Variants in SGCZ observed in about 807,000 individuals in gnomAD.
SGCZ encodes zeta-sarcoglycan.
SGCZ carries 40 observed loss-of-function variants against 41.3 expected under a neutral mutation model. The observed-to-expected ratio is 0.97, with a 90% CI of 0.75 to 1.26. The LOEUF (loss-of-function observed/expected upper bound fraction) is 1.26. Among genes scored for constraint, SGCZ ranks in the 50% most tolerant of loss-of-function variants. The pLI is 0.00. For synonymous variants in SGCZ, 206 were observed against 137.5 expected (o/e 1.50, Z -3.49); for missense variants, 552 against 369.8 (o/e 1.49, Z -4.04).
At chr8:15,156,807 G>C (rs1181904998) in intron 1 of SGCZ, among the ~76,000 whole-genome samples, 3 of 151,920 alleles carry the variant, frequency 2.0e-5, no homozygotes, top group Non-Finnish European at 4.4e-5. Context: ...AGCTGAGTGT[G>C]GTGGTGGATG....
At chr8:14,238,346 C>A (rs1386495004) in intron 3 of SGCZ, among the ~76,000 whole-genome samples, 1 of 152,082 alleles carries the variant, frequency 6.6e-6, no homozygotes, top group Non-Finnish European at 1.5e-5. Context: ...GAAGTGTTGA[C>A]TGAGTAGATA....
chr8:15,179,079 G>A (rs906869147), intron 1 of SGCZ, among the ~76,000 whole-genome samples: 1 of 152,028 alleles, frequency 6.6e-6, no homozygotes, highest in African/African-American at 2.4e-5. Flanking sequence ...ATAAAGAGTT[G>A]TTTTGCTGGG....
chr8:14,864,036 C>T (rs548040125), intron 1 of SGCZ, among the ~76,000 whole-genome samples: 6 of 152,082 alleles, frequency 3.9e-5, no homozygotes, highest in African/African-American at 1.2e-4. Flanking sequence ...TCTCTTTGAC[C>T]TCACCAATTC....
intron 1 of SGCZ, among the ~76,000 whole-genome samples, chr8:14,709,761 C>A (rs1424924010): frequency 6.6e-6 from 1 of 151,998 alleles, no homozygotes; most frequent in Admixed American, 6.6e-5. Flanking sequence ...CATTCTGGTA[C>A]ATTGCAAGAG....
At chr8:14,096,789 A>G (rs929751934) in intron 7 of SGCZ, among the ~76,000 whole-genome samples, 3 of 152,062 alleles carry the variant, frequency 2.0e-5, no homozygotes, top group Non-Finnish European at 2.9e-5. Context: ...AGAACTTGTT[A>G]TTGGTTCATT....
At chr8:14,237,234 T>C (rs1806794732) in intron 4 of SGCZ, among the ~76,000 whole-genome samples, 1 of 152,162 alleles carries the variant, frequency 6.6e-6, no homozygotes, top group Non-Finnish European at 1.5e-5. Flanking sequence ...CTCAAAATAA[T>C]ACATTGGCAA....
At chr8:15,211,745 T>G (rs1801243541) in intron 1 of SGCZ, among the ~76,000 whole-genome samples, 1 of 152,056 alleles carries the variant, frequency 6.6e-6, no homozygotes, top group Non-Finnish European at 1.5e-5. Context: ...ATCTTCAACC[T>G]CTCCCCTTCT....
At chr8:14,996,507 T>C (rs1420570955) in intron 1 of SGCZ, among the ~76,000 whole-genome samples, 1 of 152,124 alleles carries the variant, frequency 6.6e-6, no homozygotes, top group Non-Finnish European at 1.5e-5. Flanking sequence ...ACTCAAGTGA[T>C]CATTGAGCCT....
intron 1 of SGCZ, among the ~76,000 whole-genome samples, chr8:14,668,904 A>T (rs1808003797): frequency 6.8e-6 from 1 of 146,216 alleles, no homozygotes; most frequent in Non-Finnish European, 1.5e-5. Flanking sequence ...CAAATCTACC[A>T]CTCAGTTATT....
intron 1 of SGCZ, among the ~76,000 whole-genome samples, chr8:14,978,381 G>C (rs920480963): frequency 2.1e-5 from 3 of 142,252 alleles, no homozygotes; most frequent in African/African-American, 7.8e-5. Flanking sequence ...TGAGGCAGGA[G>C]AATCACTTAA....
chr8:14,624,866 G>C lies in SGCZ; in HGVS notation c.40-69940C>G, dbSNP rs534595175. ...GATTACAGGCATGAGCCACCACACC[G>C]GGCTATCACTCCCCAAATTTCTGAC... On this transcript the variant is annotated intron_variant, in intron 1 of 7. Coordinates refer to ENST00000382080, the MANE Select transcript of SGCZ (RefSeq NM_139167.4). Among the ~76,000 whole-genome samples the C allele has an allele frequency of 2.2e-4, 34 of 151,662 alleles. 1 individual carries two copies. The South Asian group carries it at 6.9e-3, about 31-fold the overall frequency.
chr8:14,976,981 G>A (rs941506782), intron 1 of SGCZ, among the ~76,000 whole-genome samples: 1 of 152,192 alleles, frequency 6.6e-6, no homozygotes, highest in African/African-American at 2.4e-5. Flanking sequence ...CACTTTCTTT[G>A]TGAGAGATAC....
intron 5 of SGCZ, among the ~76,000 whole-genome samples, chr8:14,126,992 G>A (rs1390467945): frequency 2.6e-5 from 4 of 152,120 alleles, no homozygotes; most frequent in Admixed American, 6.5e-5. Flanking sequence ...GTCAGGGGGA[G>A]GGAGAGCATC....
rs1425965409 is a variant in SGCZ at position 14,360,708 on chromosome 8, G to C, written c.235-36504C>G. Among the ~76,000 whole-genome samples, 4 of 152,066 alleles carry C rather than the reference G, an allele frequency of 2.6e-5. No homozygotes were observed. The East Asian group carries it at 7.7e-4, about 29-fold the overall frequency. ...TAAAAAGTTTGCTTAGTCTGTTTAA[G>C]GGCATCTAAATTGTTTCTAGGTTTT... On this transcript the variant is annotated intron_variant, in intron 2 of 7. Coordinates refer to ENST00000382080, the MANE Select transcript of SGCZ (RefSeq NM_139167.4).
chr8:14,978,494 A>C (rs1294254920), intron 1 of SGCZ, among the ~76,000 whole-genome samples: 1 of 123,782 alleles, frequency 8.1e-6, no homozygotes, highest in African/African-American at 2.8e-5. Context: ...AAAAAAAAAA[A>C]AAAAAAAAAA....
At chr8:14,200,917 A>T (rs1445392277) in intron 4 of SGCZ, among the ~76,000 whole-genome samples, 1 of 152,196 alleles carries the variant, frequency 6.6e-6, no homozygotes, top group African/African-American at 2.4e-5. Flanking sequence ...GCCTCAAAGC[A>T]TATACAGAGC....
chr8:14,924,561 T>C (rs565296050), intron 1 of SGCZ, among the ~76,000 whole-genome samples: 18 of 152,278 alleles, frequency 1.2e-4, no homozygotes, highest in Admixed American at 9.2e-4. Context: ...CGCCTTCCTA[T>C]TTACATCAGA....
chr8:14,945,477 T>G (rs1211476893), intron 1 of SGCZ, among the ~76,000 whole-genome samples: 1 of 152,130 alleles, frequency 6.6e-6, no homozygotes, highest in Non-Finnish European at 1.5e-5. Context: ...GGTCAAATTT[T>G]AATGATTGGC....
intron 1 of SGCZ, among the ~76,000 whole-genome samples, chr8:14,750,172 T>C (rs1046901566): frequency 6.6e-6 from 1 of 152,110 alleles, no homozygotes; most frequent in African/African-American, 2.4e-5. Flanking sequence ...ACATATCCCA[T>C]CTGTGGGGAA....
Sources: allele counts gnomAD v4.1 joint callset (sites outside exome capture counted in the v4.1 genomes callset), GRCh38; gene constraint gnomAD v4.1.1; transcripts MANE v1.5; gene names NCBI Gene and HGNC (gene_info 2026-07-23, HGNC 2026-07-21).